Variants in ADAMTS18 observed in about 807,000 individuals in gnomAD.
The protein encoded by ADAMTS18 is ADAM metallopeptidase with thrombospondin type 1 motif 18.
A neutral mutation model predicts 165.9 loss-of-function variants in ADAMTS18; 157 were observed. The ratio of observed to expected loss-of-function variants is 0.95; its 90% CI spans 0.83 to 1.08. The LOEUF (loss-of-function observed/expected upper bound fraction) is 1.08, where lower values mean the gene tolerates loss of function less well. Ranked by LOEUF, ADAMTS18 falls within the 50% of genes least tolerant of loss-of-function variation. The pLI is 0.00. For missense variants in ADAMTS18, 2,040 were observed against 1,534.0 expected (o/e 1.33, Z -5.51); for synonymous variants, 782 against 578.2 (o/e 1.35, Z -5.06).
At chr16:77,387,008 C>T (rs1413995316) in intron 3 of ADAMTS18, among the ~76,000 whole-genome samples, 1 of 152,116 alleles carries the variant, frequency 6.6e-6, no homozygotes, top group African/African-American at 2.4e-5. Flanking sequence ...AATGTCACTC[C>T]AAACAGATGC....
chr16:77,378,690 G>A (rs141219470), intron 3 of ADAMTS18, among the ~76,000 whole-genome samples: 2 of 152,054 alleles, frequency 1.3e-5, no homozygotes, highest in Non-Finnish European at 1.5e-5. Context: ...ACTCCAACCT[G>A]GGTGACAGAG....
intron 16 of ADAMTS18, among the ~76,000 whole-genome samples, chr16:77,318,410 G>A (rs1812525): frequency 0.49 from 74,996 of 151,992 alleles, 19,237 homozygotes; most frequent in African/African-American, 0.53. Flanking sequence ...GAAGACTTAC[G>A]TTCAAACCTC....
rs775259577 is a variant in ADAMTS18, at chr16:77,431,792, C to T, written c.179-181G>A. On this transcript the variant is annotated intron_variant, in intron 2 of 22. Transcript: ENST00000282849. The stretch of plus-strand genomic sequence containing the variant: ...GCAGAAGACCTGTCTCTACAACTAA[C>T]TCGGCCACAGTCATTTCTACAGGTG... 26 of 670,784 alleles carry T rather than the reference C, an allele frequency of 3.9e-5. No homozygotes were observed. The South Asian group carries it at 3.9e-4, about 10-fold the overall frequency. The allele number at this position is 670,784 out of a possible 1,614,324, so 41.6% of individuals were successfully genotyped here. A position where few individuals can be genotyped will look rare whatever the true frequency, so the allele number is the denominator to read the frequency against.
At chr16:77,411,447 G>C (rs948734905) in intron 3 of ADAMTS18, among the ~76,000 whole-genome samples, 1 of 152,022 alleles carries the variant, frequency 6.6e-6, no homozygotes, top group African/African-American at 2.4e-5. Context: ...GATAGACTTG[G>C]ACTTTAAAAA....
At chr16:77,300,796 C>A (rs1213318576) in intron 16 of ADAMTS18, among the ~76,000 whole-genome samples, 2 of 152,086 alleles carry the variant, frequency 1.3e-5, no homozygotes, top group African/African-American at 2.4e-5. Flanking sequence ...CATAGTCGTA[C>A]CCTACAGAAA....
At chr16:77,334,795 C>CTA (rs2056275407) in intron 12 of ADAMTS18, among the ~76,000 whole-genome samples, 2 of 20,346 alleles carry the variant, frequency 9.8e-5, no homozygotes, top group South Asian at 2.6e-3. Flanking sequence ...AGTAAATATA[C>CTA]TATATACTAT....
chr16:77,406,472 G>A lies in ADAMTS18; in HGVS notation c.495+24823C>T, dbSNP rs114263337. ...ACTTGTAATTATCACCACACTTGAG[G>A]TCCTTGACACTACAATAAACAATAA... is the stretch of plus-strand genomic sequence containing the variant. On this transcript the variant is annotated intron_variant, in intron 3 of 22. Transcript: ENST00000282849. 6.5e-3 allele frequency among the ~76,000 whole-genome samples: 986 copies of A among 152,056 alleles called. 5 individuals are homozygous for A. Among genetic ancestry groups the A allele is most frequent in the African/African-American group, 0.023 (934 of 41,468 alleles).
In ADAMTS18 at chr16:77,388,065, A is replaced by C. The variant is rs185911534; in HGVS notation, c.496-20342T>G. Among the ~76,000 whole-genome samples, 21 of 152,282 alleles carry C rather than the reference A, an allele frequency of 1.4e-4. 1 individual carries two copies. In the East Asian group the frequency reaches 4.1e-3, roughly 29 times the overall value. The stretch of plus-strand genomic sequence containing the variant: ...TCTTTCTCTGGTAGAAGCTGTAGGC[A>C]CTACGCACTCTGCAAGGCTAGATTC... On this transcript the variant is annotated intron_variant, in intron 3 of 22. Coordinates refer to ENST00000282849, the MANE Select transcript of ADAMTS18 (RefSeq NM_199355.4).
In ADAMTS18 at chr16:77,313,145, G is replaced by A. The variant is rs2055814846; in HGVS notation, c.2532+6704C>T. Among the ~76,000 whole-genome samples the A allele has an allele frequency of 2.0e-5, 3 of 152,102 alleles. No individual in the cohort carries two copies. In the South Asian group the frequency reaches 6.2e-4, roughly 32 times the overall value. ...AATGTTGAGTTCATGTCCTTTGCAG[G>A]AACATGGATGGAGCTGGAAACCATC... On this transcript the variant is annotated intron_variant, in intron 16 of 22. Coordinates refer to ENST00000282849, the MANE Select transcript of ADAMTS18 (RefSeq NM_199355.4).
At chr16:77,294,676 C>A (rs1006649269) in intron 19 of ADAMTS18, among the ~76,000 whole-genome samples, 3 of 152,188 alleles carry the variant, frequency 2.0e-5, no homozygotes, top group African/African-American at 7.2e-5. Context: ...GCTCACGAGT[C>A]TGGCCTAAAT....
intron 3 of ADAMTS18, among the ~76,000 whole-genome samples, chr16:77,369,864 C>T (rs368852807): frequency 1.8e-4 from 28 of 152,282 alleles, no homozygotes; most frequent in African/African-American, 6.3e-4. Flanking sequence ...CCAAATTCAA[C>T]AGCACATTAA....
At chr16:77,401,657 T>C (rs1377905279) in intron 3 of ADAMTS18, among the ~76,000 whole-genome samples, 1 of 152,214 alleles carries the variant, frequency 6.6e-6, no homozygotes, top group Non-Finnish European at 1.5e-5. Context: ...ATGTTATTTC[T>C]GGGTGTGTCT....
At chr16:77,308,139 G>A (rs760378313) in intron 16 of ADAMTS18, among the ~76,000 whole-genome samples, 6 of 152,054 alleles carry the variant, frequency 3.9e-5, no homozygotes, top group Non-Finnish European at 7.4e-5. Context: ...AGAGTTAAAC[G>A]CCCTCTTCTT....
intron 14 of ADAMTS18, 128 bp downstream of exon 14, chr16:77,322,208 T>G: frequency 9.4e-7 from 1 of 1,068,296 alleles, no homozygotes; most frequent in African/African-American, 1.6e-5. Context: ...GTGAAACACT[T>G]TGCTCTTTCG....
chr16:77,293,217 G>A lies in ADAMTS18; in HGVS notation c.3048C>T (p.Leu1016=), dbSNP rs377137286. ...TCGRGVRKRE[L]LCKGSAAETL... Reference sequence around the variant, plus strand: ...TTTCTGCGGCAGAGCCCTTGCAGAGGAGTTCACGCTTCCTCACCCCTCGTC... The same window carrying A: ...TTTCTGCGGCAGAGCCCTTGCAGAGAAGTTCACGCTTCCTCACCCCTCGTC... The change falls in exon 20 of 23, where the codon CTC becomes CTT. Residue 1016 remains leucine (L), a synonymous_variant. Transcript: ENST00000282849. 1.1e-5 allele frequency: 18 copies of A among 1,613,780 alleles called. No individual in the cohort carries two copies. The highest frequency in any genetic ancestry group is 1.7e-5 in the Admixed American group (1 of 59,976).
chr16:77,409,158 T>C (rs1482630903), intron 3 of ADAMTS18, among the ~76,000 whole-genome samples: 1 of 152,112 alleles, frequency 6.6e-6, no homozygotes, highest in Admixed American at 6.5e-5. Context: ...CTGAGGATAA[T>C]GGGAGGGCTA....
rs576941720 is a variant in ADAMTS18, at chr16:77,282,280, C to A, written c.*1676G>T. 1 of 151,932 alleles carries A rather than the reference C, an allele frequency of 6.6e-6. No individual in the cohort carries two copies. Among genetic ancestry groups the A allele is most frequent in the African/African-American group, 2.4e-5 (1 of 41,402 alleles). 9.4% of individuals were successfully genotyped at this position (151,932 alleles called of 1,614,324 possible). ...GAAGCAAGTGAGAACACATAATAGG[C>A]TATTAATTAATAAATTAATTTTCCA... On this transcript the variant is annotated 3_prime_UTR_variant, in exon 23 of 23. Transcript: ENST00000282849.
chr16:77,372,336 A>C (rs774489002), intron 3 of ADAMTS18, among the ~76,000 whole-genome samples: 1 of 152,232 alleles, frequency 6.6e-6, no homozygotes, highest in African/African-American at 2.4e-5. Context: ...TTGCAGCACT[A>C]GTCACAATAG....
rs762343675 is a variant in ADAMTS18 at position 77,321,249 on chromosome 16, C to T, written c.2164-47G>A. ...TGAGAAAATAAAAGATCAGAGAAGC[C>T]AGAGGCTGGGAATAATTAAGAGGTA... is the stretch of plus-strand genomic sequence containing the variant. On this transcript the variant is annotated intron_variant, in intron 14 of 22. Coordinates refer to ENST00000282849, the MANE Select transcript of ADAMTS18 (RefSeq NM_199355.4). 9 of 1,612,314 alleles carry T rather than the reference C, an allele frequency of 5.6e-6. No individual in the cohort carries two copies. In the Admixed American group the frequency reaches 1.3e-4, roughly 24 times the overall value.
Sources: gnomAD v4.1 joint callset for allele counts (sites outside exome capture counted in the v4.1 genomes callset) on GRCh38, gnomAD v4.1.1 for gene constraint, MANE v1.5 for transcripts, NCBI Gene and HGNC (gene_info 2026-07-23, HGNC 2026-07-21) for gene names.